Variants in LYPD5 observed in about 807,000 individuals in gnomAD.
LYPD5 encodes the protein LY6/PLAUR domain containing 5.
In LYPD5, 21 loss-of-function variants were observed where a neutral mutation model predicts 19.1. The ratio of observed to expected loss-of-function variants is 1.10; its 90% CI spans 0.78 to 1.58. The LOEUF is 1.58. Among genes scored for constraint, LYPD5 ranks in the 40% most tolerant of loss-of-function variants. LYPD5 has a pLI of 0.00. For missense variants in LYPD5, 287 were observed against 329.8 expected (o/e 0.87, Z 1.00); for synonymous variants, 128 against 142.7 (o/e 0.90, Z 0.74).
chr19:43,805,532 G>A (rs752094062), upstream of LYPD5, among the ~76,000 whole-genome samples: 23 of 152,064 alleles, frequency 1.5e-4, no homozygotes, highest in Non-Finnish European at 2.9e-4. Context: ...TTTTGAGACC[G>A]AGTCTCACTC....
intron 1 of LYPD5, among the ~76,000 whole-genome samples, chr19:43,801,212 A>T (rs1970219928): frequency 6.6e-6 from 1 of 151,958 alleles, no homozygotes; most frequent in Admixed American, 6.6e-5. Flanking sequence ...ACAGAGTGAG[A>T]CCTTATCTCT....
At chr19:43,808,525 G>A (rs963805200) in intron 1 of LYPD5, among the ~76,000 whole-genome samples, 28 of 152,146 alleles carry the variant, frequency 1.8e-4, no homozygotes, top group African/African-American at 5.8e-4. Context: ...CTGGATTGAC[G>A]AAAAGAACAT....
At chr19:43,814,858 T>C (rs1271818675) in intron 1 of LYPD5, among the ~76,000 whole-genome samples, 1 of 152,196 alleles carries the variant, frequency 6.6e-6, no homozygotes, top group Non-Finnish European at 1.5e-5. Context: ...ACTTAGTGGG[T>C]TAGATACCCA....
intron 1 of LYPD5, among the ~76,000 whole-genome samples, chr19:43,808,956 A>G (rs1344750366): frequency 6.6e-6 from 1 of 152,274 alleles, no homozygotes; most frequent in Non-Finnish European, 1.5e-5. Flanking sequence ...TATAATTAAC[A>G]GACTTGCATA....
At position 43,810,984 on chromosome 19, in the gene LYPD5, G is replaced by A. The variant is rs530449545; in HGVS notation, c.-66+9556C>T. Among the ~76,000 whole-genome samples, 19 of 152,188 alleles carry A rather than the reference G, an allele frequency of 1.2e-4. No homozygotes were observed. In the East Asian group the frequency reaches 2.3e-3, roughly 19 times the overall value. On this transcript the variant is annotated intron_variant, in intron 1 of 4. Coordinates refer to the LYPD5 transcript ENST00000414615. ...AAATATATACCAGACCACCCACAGC[G>A]TGATCAAACACCTTTCTTTGGCAGC...
intron 1 of LYPD5, among the ~76,000 whole-genome samples, chr19:43,820,286 G>A (rs994888235): frequency 1.3e-5 from 2 of 152,138 alleles, no homozygotes; most frequent in Non-Finnish European, 2.9e-5. Flanking sequence ...CATCCCAGCC[G>A]TGGCACGTGC....
At chr19:43,798,671 G>A (rs1353370972) in intron 3 of LYPD5, 70 bp from the exon 4 acceptor site, 3 of 1,596,690 alleles carry the variant, frequency 1.9e-6, no homozygotes, top group Admixed American at 1.7e-5. Context: ...TGCGCACTGC[G>A]CCAGAGCCCG....
intron 4 of LYPD5, among the ~76,000 whole-genome samples, 143 bp downstream of exon 4, chr19:43,798,287 TCTTCTCCCTCAGACCAGGGTCAAAC>T (rs1555727957): frequency 3.2e-5 from 1 of 31,002 alleles, no homozygotes; most frequent in Non-Finnish European, 6.8e-5. Flanking sequence ...CAGGGCCAAA[TCTTCTCCCTCAGACCAGGGTCAAAC>T]CTTCTCCCTC....
intron 1 of LYPD5, among the ~76,000 whole-genome samples, chr19:43,819,593 C>T (rs1395408252): frequency 6.6e-6 from 1 of 152,006 alleles, no homozygotes; most frequent in East Asian, 1.9e-4. Flanking sequence ...ACCCACTAAT[C>T]CCCTAGACCC....
At chr19:43,799,623 C>A in intron 2 of LYPD5, 83 bp downstream of exon 2, 1 of 1,369,740 alleles carries the variant, frequency 7.3e-7, no homozygotes, top group South Asian at 1.4e-5. Context: ...ATCTTCTACT[C>A]AATTCCCCTC....
chr19:43,818,905 TTC>T (rs756783620), intron 1 of LYPD5, among the ~76,000 whole-genome samples: 5 of 152,206 alleles, frequency 3.3e-5, no homozygotes, highest in Non-Finnish European at 7.3e-5. Flanking sequence ...TATTAAAAGT[TTC>T]TGTCTCTTCT....
chr19:43,799,925 G>A (rs1970201278), intron 1 of LYPD5, 91 bp from the exon 2 acceptor site: 2 of 1,436,814 alleles, frequency 1.4e-6, no homozygotes, highest in Non-Finnish European at 1.9e-6. Flanking sequence ...AGGCACACGG[G>A]CCTGGCCCCT....
intron 3 of LYPD5, 79 bp from the exon 4 acceptor site, chr19:43,798,680 C>G: frequency 6.3e-7 from 1 of 1,593,748 alleles, no homozygotes. Context: ...CGCCAGAGCC[C>G]GCGCCTAGCA....
chr19:43,799,240 C>T (rs2146494113), intron 2 of LYPD5, among the ~76,000 whole-genome samples: 2 of 151,986 alleles, frequency 1.3e-5, no homozygotes, highest in South Asian at 4.2e-4. Flanking sequence ...CGTCCCTCAT[C>T]CACTTTTTCT....
rs374354225 is a variant in LYPD5, at chr19:43,809,097, C to T, written c.-65-9263G>A. 1.5e-4 allele frequency among the ~76,000 whole-genome samples: 23 copies of T among 149,322 alleles called. No homozygotes were observed. In the South Asian group the frequency reaches 1.7e-3, roughly 11 times the overall value. ...CCCTGTCACCCAGGCTGGAGTGCAA[C>T]GGCGTGGTCTCGGCTCACTGCAACC... is the stretch of plus-strand genomic sequence containing the variant. On this transcript the variant is annotated intron_variant, in intron 1 of 4. Transcript: ENST00000414615.
At chr19:43,799,127 C>CG in intron 2 of LYPD5, 139 bp from the exon 3 acceptor site, 1 of 996,162 alleles carries the variant, frequency 1.0e-6, no homozygotes, top group Non-Finnish European at 1.4e-6. Flanking sequence ...CTCTCACCCC[C>CG]AGACCTTTTC....
At chr19:43,801,740 A>T (rs967649712) in intron 1 of LYPD5, among the ~76,000 whole-genome samples, 1 of 152,228 alleles carries the variant, frequency 6.6e-6, no homozygotes, top group Non-Finnish European at 1.5e-5. Context: ...ACCTGGACAC[A>T]TACAGAAATC....
At chr19:43,819,596 CT>C (rs1437365315) in intron 1 of LYPD5, among the ~76,000 whole-genome samples, 3 of 152,076 alleles carry the variant, frequency 2.0e-5, no homozygotes, top group Non-Finnish European at 4.4e-5. Flanking sequence ...CACTAATCCC[CT>C]AGACCCCCGT....
In LYPD5 at chr19:43,796,668, G is replaced by T. The variant is rs1369291568; in HGVS notation, c.*923C>A. The T allele has an allele frequency of 6.6e-6, 1 of 152,102 alleles. No homozygotes were observed. Among genetic ancestry groups the T allele is most frequent in the East Asian group, 1.9e-4 (1 of 5,200 alleles). 9.4% of individuals were successfully genotyped at this position (152,102 alleles called of 1,614,324 possible). A position where few individuals can be genotyped will look rare whatever the true frequency, so the allele number is the denominator to read the frequency against. ...GAGGTGGGGTTGCTTAGCAGTTCGT[G>T]GGGCTGGGAATCTGGTCCCTGAATC... On this transcript the variant is annotated 3_prime_UTR_variant, in exon 5 of 5. Transcript: ENST00000377950.
Sources: gnomAD v4.1 joint callset for allele counts (sites outside exome capture counted in the v4.1 genomes callset) on GRCh38, gnomAD v4.1.1 for gene constraint, MANE v1.5 for transcripts, NCBI Gene and HGNC (gene_info 2026-07-23, HGNC 2026-07-21) for gene names.